The following SEPTIN11 variants were observed in gnomAD, a reference collection of about 807,000 sequenced individuals.
SEPTIN11 encodes the protein septin-11.
In SEPTIN11, 25 loss-of-function variants were observed where a neutral mutation model predicts 51.4. That is an observed-to-expected ratio of 0.49 (90% confidence interval 0.35 to 0.68). The LOEUF is 0.68. Among genes scored for constraint, SEPTIN11 ranks in the 30% least tolerant of loss-of-function variants. The probability of loss-of-function intolerance (pLI) is 0.00; values close to 1 mark genes in which losing one functional copy is unlikely to be tolerated. For missense variants in SEPTIN11, 381 were observed against 520.8 expected, an observed-to-expected ratio of 0.73 and a Z score of 2.61; for synonymous variants, 174 against 184.1, an observed-to-expected ratio of 0.95 and a Z score of 0.44.
chr4:76,952,989 G>A (rs998642902), intron 1 of SEPTIN11, among the ~76,000 whole-genome samples: 4 of 152,204 alleles, frequency 2.6e-5, no homozygotes, highest in Non-Finnish European at 5.9e-5. Context: ...AAAACTCTAG[G>A]AGTTGAAAGG....
chr4:76,979,940 A>T (rs1351941792), intron 1 of SEPTIN11, among the ~76,000 whole-genome samples: 1 of 152,016 alleles, frequency 6.6e-6, no homozygotes, highest in Non-Finnish European at 1.5e-5. Flanking sequence ...GAGAAGCTTG[A>T]AGGGTAGACC....
intron 5 of SEPTIN11, among the ~76,000 whole-genome samples, chr4:77,017,253 CTCTT>C (rs1725368659): frequency 6.6e-6 from 1 of 152,150 alleles, no homozygotes; most frequent in African/African-American, 2.4e-5. Context: ...AATTTTTGCT[CTCTT>C]TCTCTCTTTA....
chr4:77,031,080 A>G, intron 9 of SEPTIN11, 110 bp downstream of exon 9: 2 of 1,023,110 alleles, frequency 2.0e-6, no homozygotes, highest in Non-Finnish European at 2.8e-6. Context: ...CCAGAAAGAT[A>G]AAAGCAAGTA....
chr4:77,010,172 G>A (rs1724762268), intron 3 of SEPTIN11, among the ~76,000 whole-genome samples: 1 of 151,894 alleles, frequency 6.6e-6, no homozygotes, highest in Admixed American at 6.5e-5. Context: ...TACTATTTTT[G>A]TCTCTGATTT....
chr4:77,017,732 G>A (rs2703155), intron 5 of SEPTIN11, among the ~76,000 whole-genome samples: 83,345 of 152,036 alleles, frequency 0.55, 23,506 homozygotes, highest in Middle Eastern at 0.61. Flanking sequence ...CTGGATCAAG[G>A]AACTCTAAAT....
chr4:76,991,793 A>G (rs1300765680), intron 1 of SEPTIN11, among the ~76,000 whole-genome samples: 1 of 152,194 alleles, frequency 6.6e-6, no homozygotes, highest in African/African-American at 2.4e-5. Flanking sequence ...TACATTGTAA[A>G]ACCTCTTAAG....
intron 3 of SEPTIN11, among the ~76,000 whole-genome samples, chr4:77,009,235 C>T (rs1231263184): frequency 6.6e-6 from 1 of 152,212 alleles, no homozygotes; most frequent in Non-Finnish European, 1.5e-5. Flanking sequence ...AGGTTTCTGA[C>T]TTGGCCAGTG....
chr4:76,964,192 CT>C (rs1319964835), intron 1 of SEPTIN11, among the ~76,000 whole-genome samples: 1 of 151,854 alleles, frequency 6.6e-6, no homozygotes, highest in Non-Finnish European at 1.5e-5. Flanking sequence ...TTAAGAAAAA[CT>C]TTTTTTAATT....
intron 3 of SEPTIN11, among the ~76,000 whole-genome samples, chr4:77,007,500 C>G (rs148130821): frequency 6.6e-6 from 1 of 152,308 alleles, no homozygotes; most frequent in East Asian, 1.9e-4. Flanking sequence ...CTCCCCTAAA[C>G]TGGGACTTTC....
chr4:77,000,386 A>C (rs377257716), intron 2 of SEPTIN11, among the ~76,000 whole-genome samples: 113 of 152,344 alleles, frequency 7.4e-4, no homozygotes, highest in African/African-American at 2.6e-3. Context: ...GGTAAAACGA[A>C]TGAAGATAAA....
At chr4:76,956,258 C>T (rs1475419294) in intron 1 of SEPTIN11, among the ~76,000 whole-genome samples, 2 of 152,126 alleles carry the variant, frequency 1.3e-5, no homozygotes, top group South Asian at 4.1e-4. Context: ...AAATTACTGT[C>T]AAGACAATTA....
chr4:76,970,003 C>G (rs950515556), intron 1 of SEPTIN11, among the ~76,000 whole-genome samples: 1 of 152,118 alleles, frequency 6.6e-6, no homozygotes, highest in Non-Finnish European at 1.5e-5. Flanking sequence ...TACTTCTGTT[C>G]CCTTCAGAAT....
intron 3 of SEPTIN11, among the ~76,000 whole-genome samples, chr4:77,007,171 G>A (rs1724539297): frequency 6.6e-6 from 1 of 152,206 alleles, no homozygotes; most frequent in Admixed American, 6.5e-5. Flanking sequence ...TAAATGAAGA[G>A]AAAGGCCTGG....
intron 1 of SEPTIN11, among the ~76,000 whole-genome samples, chr4:76,988,759 T>C (rs1381374615): frequency 6.6e-6 from 1 of 152,252 alleles, no homozygotes; most frequent in African/African-American, 2.4e-5. Flanking sequence ...AAGAAATTGC[T>C]TTTAAGCAGG....
intron 1 of SEPTIN11, among the ~76,000 whole-genome samples, chr4:76,990,870 G>A (rs956800979): frequency 6.6e-6 from 1 of 152,146 alleles, no homozygotes; most frequent in Non-Finnish European, 1.5e-5. Context: ...TCCCAGCTGG[G>A]GAGGATGTGG....
chr4:76,998,609 C>T (rs1723901316), intron 2 of SEPTIN11, among the ~76,000 whole-genome samples: 1 of 152,142 alleles, frequency 6.6e-6, no homozygotes, highest in East Asian at 1.9e-4. Context: ...TTAAGACTCT[C>T]CCCCACCCTC....
chr4:77,014,329 A>G (rs1725068638), intron 4 of SEPTIN11, among the ~76,000 whole-genome samples: 1 of 152,142 alleles, frequency 6.6e-6, no homozygotes, highest in African/African-American at 2.4e-5. Flanking sequence ...GCTGCATAGA[A>G]CTGAATACTC....
At chr4:77,010,064 A>G in intron 3 of SEPTIN11, 1 of 152,282 alleles carries the variant, frequency 6.6e-6, no homozygotes, top group South Asian at 2.1e-4. Context: ...TTTATTATAT[A>G]ATTATGAAAT....
intron 7 of SEPTIN11, among the ~76,000 whole-genome samples, chr4:77,023,555 C>G (rs1725893507): frequency 6.6e-6 from 1 of 152,100 alleles, no homozygotes; most frequent in African/African-American, 2.4e-5. Flanking sequence ...TCTTAGACCA[C>G]TCATTCAAAC....
Sources: gnomAD v4.1 joint callset for allele counts (sites outside exome capture counted in the v4.1 genomes callset) on GRCh38, gnomAD v4.1.1 for gene constraint, MANE v1.5 for transcripts, NCBI Gene and HGNC (gene_info 2026-07-23, HGNC 2026-07-21) for gene names.